Variants in FAM184A observed in about 807,000 individuals in gnomAD.
FAM184A encodes the protein family with sequence similarity 184 member A.
In FAM184A, 99 loss-of-function variants were observed where a neutral mutation model predicts 143.8. That is an observed-to-expected ratio of 0.69 (90% CI 0.58 to 0.81). The LOEUF is 0.81. Ranked by LOEUF, FAM184A falls within the 40% of genes least tolerant of loss-of-function variation. FAM184A has a pLI of 0.00. For missense variants in FAM184A, 1,217 were observed against 1,310.5 expected (o/e 0.93, Z 1.10); for synonymous variants, 427 against 446.4 (o/e 0.96, Z 0.55).
chr6:119,006,112 T>A (rs753658334), intron 7 of FAM184A: 17 of 765,238 alleles, frequency 2.2e-5, no homozygotes, highest in East Asian at 1.5e-4. Context: ...CCTTTTAAGA[T>A]GTGAAGATAG....
At chr6:119,058,456 G>C (rs1267074899) in intron 1 of FAM184A, among the ~76,000 whole-genome samples, 1 of 151,992 alleles carries the variant, frequency 6.6e-6, no homozygotes, top group Non-Finnish European at 1.5e-5. Flanking sequence ...GCCCACCTTA[G>C]TCTCCCAAAA....
chr6:118,977,924 C>T (rs1321979486), intron 11 of FAM184A, among the ~76,000 whole-genome samples: 1 of 152,094 alleles, frequency 6.6e-6, no homozygotes, highest in African/African-American at 2.4e-5. Context: ...TTTTTAAAGA[C>T]CCAAAACTCT....
At chr6:119,023,172 C>A in intron 2 of FAM184A, 92 bp from the exon 3 acceptor site, 1 of 1,366,910 alleles carries the variant, frequency 7.3e-7, no homozygotes, top group Non-Finnish European at 1.0e-6. Flanking sequence ...TTCTCTTATT[C>A]AGAAGTCATA....
At chr6:119,089,210 TTTTA>T (rs1562145846) in intron 1 of FAM184A, among the ~76,000 whole-genome samples, 1 of 126,848 alleles carries the variant, frequency 7.9e-6, no homozygotes, top group South Asian at 2.6e-4. Context: ...TTATTTATTT[TTTTA>T]TTTTTTTGAG....
intron 1 of FAM184A, among the ~76,000 whole-genome samples, chr6:119,071,951 T>A (rs540597073): frequency 7.3e-6 from 1 of 136,440 alleles, no homozygotes; most frequent in African/African-American, 2.7e-5. Flanking sequence ...AACCTCCGCC[T>A]CCTGGGTTCA....
At chr6:118,977,540 A>G (rs1275172624) in intron 11 of FAM184A, among the ~76,000 whole-genome samples, 1 of 152,188 alleles carries the variant, frequency 6.6e-6, no homozygotes, top group Non-Finnish European at 1.5e-5. Flanking sequence ...ATAGCACACC[A>G]CTGCATTCTT....
chr6:119,136,862 G>T (rs1238500689), intron 1 of FAM184A, among the ~76,000 whole-genome samples: 1 of 152,190 alleles, frequency 6.6e-6, no homozygotes, highest in Non-Finnish European at 1.5e-5. Context: ...CAGTAAGAGG[G>T]TTGACATGGT....
chr6:119,104,140 G>A (rs906573440), intron 1 of FAM184A, among the ~76,000 whole-genome samples: 2 of 151,712 alleles, frequency 1.3e-5, no homozygotes, highest in Admixed American at 6.6e-5. Context: ...AGGCTCAAAC[G>A]ATCCTCCCAA....
chr6:118,974,022 T>C (rs1010551896), intron 14 of FAM184A, among the ~76,000 whole-genome samples: 1 of 152,180 alleles, frequency 6.6e-6, no homozygotes, highest in Non-Finnish European at 1.5e-5. Context: ...TAAAATTTGG[T>C]ATTTGTTAAG....
intron 9 of FAM184A, among the ~76,000 whole-genome samples, chr6:118,990,588 G>GC (rs150695966): frequency 0.57 from 86,165 of 151,128 alleles, 24,865 homozygotes; most frequent in East Asian, 0.75. Flanking sequence ...TACTAATTAG[G>GC]CACATGGTGG....
In FAM184A at chr6:119,140,725, A is replaced by T. The variant is rs189282121; in HGVS notation, c.-202+8353T>A. Among the ~76,000 whole-genome samples the T allele has an allele frequency of 9.9e-4, 150 of 152,200 alleles. 1 individual carries two copies. Among genetic ancestry groups the T allele is most frequent in the African/African-American group, 3.5e-3 (147 of 41,524 alleles). ...TGCCAGAAATTGAGTCTCCTTTCCC[A>T]CACTCCAAGCAGGAAAACCGGTGAA... On this transcript the variant is annotated intron_variant, in intron 1 of 16. Coordinates refer to the FAM184A transcript ENST00000352896.
At chr6:119,097,460 A>G (rs1276131101) in intron 1 of FAM184A, among the ~76,000 whole-genome samples, 1 of 152,194 alleles carries the variant, frequency 6.6e-6, no homozygotes, top group Non-Finnish European at 1.5e-5. Context: ...ATTTCACCCA[A>G]AAGTGGATTC....
At chr6:119,031,086 C>A (rs1189790433) in intron 1 of FAM184A, among the ~76,000 whole-genome samples, 1 of 151,798 alleles carries the variant, frequency 6.6e-6, no homozygotes, top group Non-Finnish European at 1.5e-5. Context: ...TATGATAAAT[C>A]TTTTTTTTCC....
At chr6:119,100,006 G>A (rs752116784) in intron 1 of FAM184A, among the ~76,000 whole-genome samples, 77 of 152,270 alleles carry the variant, frequency 5.1e-4, no homozygotes, top group Non-Finnish European at 7.9e-4. Context: ...AGAAGTCTTG[G>A]GGACTGAGCC....
At chr6:119,091,197 A>C (rs183865237) in intron 1 of FAM184A, among the ~76,000 whole-genome samples, 1 of 152,290 alleles carries the variant, frequency 6.6e-6, no homozygotes, top group Non-Finnish European at 1.5e-5. Context: ...AAATTTATAA[A>C]AATAATTCTT....
intron 1 of FAM184A, among the ~76,000 whole-genome samples, chr6:119,084,076 GGAGAGA>G (rs1156368493): frequency 6.6e-6 from 1 of 151,200 alleles, no homozygotes; most frequent in Non-Finnish European, 1.5e-5. Flanking sequence ...CATTGTGGCA[GGAGAGA>G]GAGAGAGAGA....
intron 1 of FAM184A, among the ~76,000 whole-genome samples, chr6:119,071,287 C>T (rs1357874073): frequency 1.3e-5 from 2 of 152,050 alleles, no homozygotes; most frequent in African/African-American, 4.8e-5. Context: ...GGAATGGGGT[C>T]TAAGCAACAA....
At chr6:119,080,858 TAAAGA>T (rs1788042056), upstream of FAM184A, among the ~76,000 whole-genome samples, 1 of 152,206 alleles carries the variant, frequency 6.6e-6, no homozygotes, top group East Asian at 1.9e-4. Context: ...TGAGTCTTCA[TAAAGA>T]AAAGAGGTTG....
chr6:119,126,404 G>A (rs576244331), intron 1 of FAM184A, among the ~76,000 whole-genome samples: 7 of 152,224 alleles, frequency 4.6e-5, no homozygotes, highest in Non-Finnish European at 8.8e-5. Flanking sequence ...TTTGCAGCAG[G>A]TGGGAACTGG....
Sources: allele counts gnomAD v4.1 joint callset (sites outside exome capture counted in the v4.1 genomes callset), GRCh38; gene constraint gnomAD v4.1.1; transcripts MANE v1.5; gene names NCBI Gene and HGNC (gene_info 2026-07-23, HGNC 2026-07-21).